ZNF521: variants seen among roughly 807,000 people sequenced by gnomAD.
The protein encoded by ZNF521 is LYST-interacting protein 3.
ZNF521 carries 14 observed loss-of-function variants against 105.5 expected under a neutral mutation model. That is an observed-to-expected ratio of 0.13 (90% CI 0.09 to 0.21). ZNF521 has a LOEUF of 0.21. Ranked by LOEUF, ZNF521 falls within the 10% of genes least tolerant of loss-of-function variation. The probability of loss-of-function intolerance (pLI) is 1.00; values close to 1 mark genes in which losing one functional copy is unlikely to be tolerated. For synonymous variants in ZNF521, 635 were observed against 606.0 expected, an observed-to-expected ratio of 1.05 and a Z score of -0.70; for missense variants, 1,233 against 1,629.7, an observed-to-expected ratio of 0.76 and a Z score of 4.19.
intron 3 of ZNF521, among the ~76,000 whole-genome samples, chr18:25,261,722 G>A (rs1440061735): frequency 2.0e-5 from 3 of 151,454 alleles, no homozygotes; most frequent in South Asian, 2.1e-4. Context: ...GTCCAGTCTC[G>A]GAAACAGTGG....
intron 3 of ZNF521, among the ~76,000 whole-genome samples, chr18:25,285,696 T>TCACA (rs200391723): frequency 2.0e-4 from 26 of 127,104 alleles, no homozygotes; most frequent in East Asian, 2.0e-3. Flanking sequence ...TCTCTCTCTC[T>TCACA]CTCACACACA....
intron 5 of ZNF521, among the ~76,000 whole-genome samples, chr18:25,129,260 A>AT (rs2034593736): frequency 3.8e-5 from 3 of 78,126 alleles, no homozygotes; most frequent in African/African-American, 9.9e-5. Flanking sequence ...AATAATAATA[A>AT]TAATAATTAT....
At chr18:25,070,426 T>C (rs927091163) in intron 7 of ZNF521, among the ~76,000 whole-genome samples, 1 of 152,044 alleles carries the variant, frequency 6.6e-6, no homozygotes, top group Non-Finnish European at 1.5e-5. Flanking sequence ...ACCTATAGTA[T>C]AAAAGTTCAT....
At chr18:25,242,344 T>C (rs1907397122) in intron 3 of ZNF521, among the ~76,000 whole-genome samples, 1 of 152,134 alleles carries the variant, frequency 6.6e-6, no homozygotes, top group Non-Finnish European at 1.5e-5. Context: ...GAGGAAATTT[T>C]AGGGTGAAAC....
chr18:25,307,522 C>T (rs576642752), intron 3 of ZNF521, among the ~76,000 whole-genome samples: 1 of 152,264 alleles, frequency 6.6e-6, no homozygotes, highest in East Asian at 1.9e-4. Context: ...CAAATTTAAG[C>T]TCTTGGCATT....
At chr18:25,183,973 C>T (rs1338098494) in intron 5 of ZNF521, among the ~76,000 whole-genome samples, 1 of 152,036 alleles carries the variant, frequency 6.6e-6, no homozygotes, top group African/African-American at 2.4e-5. Flanking sequence ...AGCTTTGAAA[C>T]AGATAGGGGA....
intron 5 of ZNF521, among the ~76,000 whole-genome samples, chr18:25,114,425 T>G (rs1342925205): frequency 1.3e-5 from 2 of 152,214 alleles, no homozygotes; most frequent in Non-Finnish European, 2.9e-5. Context: ...AAATTACAGC[T>G]GTTATAATTT....
intron 4 of ZNF521, among the ~76,000 whole-genome samples, chr18:25,196,618 A>G (rs901885526): frequency 1.3e-5 from 2 of 151,686 alleles, no homozygotes; most frequent in African/African-American, 2.4e-5. Flanking sequence ...TACATTAGGC[A>G]TATTGCGAAC....
intron 7 of ZNF521, among the ~76,000 whole-genome samples, chr18:25,083,847 G>A (rs922585773): frequency 6.6e-6 from 1 of 150,890 alleles, no homozygotes; most frequent in African/African-American, 2.4e-5. Flanking sequence ...ATGGCTCACT[G>A]CAGCCTCAAC....
chr18:25,284,704 A>G (rs897986055), intron 3 of ZNF521, among the ~76,000 whole-genome samples: 55 of 152,150 alleles, frequency 3.6e-4, no homozygotes, highest in African/African-American at 1.3e-3. Flanking sequence ...AAAGAAAAGC[A>G]CCATAAAAAA....
chr18:25,237,088 T>A (rs1600194154), intron 3 of ZNF521, among the ~76,000 whole-genome samples: 1 of 152,298 alleles, frequency 6.6e-6, no homozygotes, highest in Admixed American at 6.5e-5. Context: ...GATGATAACA[T>A]CCAAGCCAGT....
At chr18:25,200,454 A>G (rs1024638225) in intron 4 of ZNF521, among the ~76,000 whole-genome samples, 8 of 151,582 alleles carry the variant, frequency 5.3e-5, no homozygotes, top group Non-Finnish European at 7.4e-5. Flanking sequence ...TGTCTTGCTC[A>G]ATACAAAAAT....
chr18:25,121,905 CAAT>C (rs975735672), intron 5 of ZNF521, among the ~76,000 whole-genome samples: 1 of 152,092 alleles, frequency 6.6e-6, no homozygotes, highest in African/African-American at 2.4e-5. Context: ...GTAAAATTCA[CAAT>C]GTCTGGCATC....
chr18:25,216,881 A>T (rs1237413648), intron 4 of ZNF521, among the ~76,000 whole-genome samples: 1 of 152,182 alleles, frequency 6.6e-6, no homozygotes, highest in Non-Finnish European at 1.5e-5. Flanking sequence ...GACATTTTTA[A>T]AAGAAAATCC....
At chr18:25,120,992 C>A (rs1343119268) in intron 5 of ZNF521, among the ~76,000 whole-genome samples, 2 of 151,880 alleles carry the variant, frequency 1.3e-5, no homozygotes, top group Admixed American at 6.6e-5. Context: ...TTATCTTTCT[C>A]AGTAGTAAAT....
In ZNF521 at chr18:25,199,983, C is replaced by A. The variant is rs1337486766; in HGVS notation, c.3574-4739G>T. Among the ~76,000 whole-genome samples the A allele has an allele frequency of 2.0e-5, 3 of 151,888 alleles. No homozygotes were observed. In the East Asian group the frequency reaches 5.8e-4, roughly 29 times the overall value. ...AAGAACTTGTATGTAAAAAAAAAAT[C>A]CCTTGAAACAGTCCTGTTAAGAGTA... On this transcript the variant is annotated intron_variant, in intron 4 of 7. Transcript: ENST00000361524.
At chr18:25,147,953 G>C (rs1361487205) in intron 5 of ZNF521, among the ~76,000 whole-genome samples, 1 of 152,110 alleles carries the variant, frequency 6.6e-6, no homozygotes, top group Non-Finnish European at 1.5e-5. Flanking sequence ...CTGCTAGGAA[G>C]GGCTGAGTTC....
intron 4 of ZNF521, chr18:25,202,849 A>C (rs1189011653): frequency 6.6e-6 from 1 of 152,224 alleles, no homozygotes; most frequent in Non-Finnish European, 1.5e-5. Context: ...AAAGAAGAAA[A>C]AAATGGTTAT....
chr18:25,317,671 T>C (rs925147186), intron 3 of ZNF521, among the ~76,000 whole-genome samples: 1 of 152,210 alleles, frequency 6.6e-6, no homozygotes, highest in African/African-American at 2.4e-5. Flanking sequence ...GAAAATGGCA[T>C]CTTACTAATC....
Sources: allele counts gnomAD v4.1 joint callset (sites outside exome capture counted in the v4.1 genomes callset), GRCh38; gene constraint gnomAD v4.1.1; transcripts MANE v1.5; gene names NCBI Gene and HGNC (gene_info 2026-07-23, HGNC 2026-07-21).